MIPOL1: variants seen among roughly 807,000 people sequenced by gnomAD.
MIPOL1 encodes mirror-image polydactyly gene 1 protein.
A neutral mutation model predicts 60.9 loss-of-function variants in MIPOL1; 57 were observed. The observed-to-expected ratio is 0.94, with a 90% CI of 0.76 to 1.17. The LOEUF is 1.17. Among genes scored for constraint, MIPOL1 ranks in the 50% most tolerant of loss-of-function variants. The pLI is 0.00. For missense variants in MIPOL1, 551 were observed against 511.6 expected, an observed-to-expected ratio of 1.08 and a Z score of -0.74; for synonymous variants, 179 against 168.8, an observed-to-expected ratio of 1.06 and a Z score of -0.47.
At chr14:37,407,839 C>CTTTT (rs2093614739) in intron 10 of MIPOL1, among the ~76,000 whole-genome samples, 1 of 59,794 alleles carries the variant, frequency 1.7e-5, no homozygotes, top group Non-Finnish European at 2.9e-5. Context: ...CTTTCTTCTT[C>CTTTT]TTCTTCTTTT....
rs188446905 is a variant in MIPOL1, at chr14:37,395,663, C to G, written c.936+26039C>G. On this transcript the variant is annotated intron_variant, in intron 10 of 12. Coordinates refer to ENST00000684589, the MANE Select transcript of MIPOL1 (RefSeq NM_001388067.1). ...CAGTTCTAGGAGCTTTCTGGAGGAG[C>G]CTTTAGAGTTTTTGAGGTAAACAAT... is the stretch of plus-strand genomic sequence containing the variant. 2.2e-3 allele frequency among the ~76,000 whole-genome samples: 340 copies of G among 152,078 alleles called. 2 individuals are homozygous for G. The highest frequency in any genetic ancestry group is 3.8e-3 in the Non-Finnish European group (259 of 67,980).
At chr14:37,298,239 G>C (rs1012231348) in intron 7 of MIPOL1, among the ~76,000 whole-genome samples, 1 of 152,192 alleles carries the variant, frequency 6.6e-6, no homozygotes, top group Non-Finnish European at 1.5e-5. Context: ...GGGAAAACTG[G>C]TTAGCCATAT....
intron 10 of MIPOL1, among the ~76,000 whole-genome samples, chr14:37,409,693 G>A (rs1355415340): frequency 2.0e-5 from 3 of 152,194 alleles, no homozygotes; most frequent in Non-Finnish European, 2.9e-5. Context: ...GGCTGATGCA[G>A]GAGAATGTCT....
chr14:37,234,044 G>C (rs1971044241), intron 1 of MIPOL1, among the ~76,000 whole-genome samples: 1 of 152,162 alleles, frequency 6.6e-6, no homozygotes, highest in African/African-American at 2.4e-5. Context: ...AATGCTTCAG[G>C]ATCTTGATCC....
chr14:37,499,211 C>T (rs1259066991), intron 11 of MIPOL1, among the ~76,000 whole-genome samples: 1 of 151,954 alleles, frequency 6.6e-6, no homozygotes, highest in African/African-American at 2.4e-5. Context: ...AAGATTTGAC[C>T]TTTAGCATTT....
chr14:37,464,353 G>C (rs1023026275), intron 11 of MIPOL1, among the ~76,000 whole-genome samples: 1 of 152,052 alleles, frequency 6.6e-6, no homozygotes, highest in Non-Finnish European at 1.5e-5. Context: ...TGGATGACTG[G>C]ATAAAGAAAA....
intron 9 of MIPOL1, among the ~76,000 whole-genome samples, chr14:37,311,683 C>G (rs1005402284): frequency 6.6e-6 from 1 of 152,048 alleles, no homozygotes; most frequent in African/African-American, 2.4e-5. Flanking sequence ...AGAAAAGTTT[C>G]AAAAATAGTA....
intron 10 of MIPOL1, among the ~76,000 whole-genome samples, chr14:37,417,873 G>A (rs1050440477): frequency 1.3e-5 from 2 of 151,976 alleles, no homozygotes; most frequent in Non-Finnish European, 2.9e-5. Context: ...ATGTTTTCTG[G>A]ATACTTGTTA....
chr14:37,287,632 A>G (rs1339818484), intron 7 of MIPOL1, among the ~76,000 whole-genome samples: 1 of 152,212 alleles, frequency 6.6e-6, no homozygotes, highest in Non-Finnish European at 1.5e-5. Context: ...AGTAATAGTC[A>G]ATTGAAGTGA....
At chr14:37,505,207 A>G (rs2095264080) in intron 12 of MIPOL1, 1 of 152,248 alleles carries the variant, frequency 6.6e-6, no homozygotes. Flanking sequence ...TTCTGAAACT[A>G]TTCCAGTCAA....
intron 1 of MIPOL1, chr14:37,198,408 T>C (rs946588422): frequency 6.6e-6 from 1 of 152,034 alleles, no homozygotes; most frequent in Non-Finnish European, 1.5e-5. Context: ...TTTGTTTTTT[T>C]CCCCTTAAGT....
At chr14:37,344,935 CAA>C (rs552172996) in intron 9 of MIPOL1, among the ~76,000 whole-genome samples, 16 of 148,536 alleles carry the variant, frequency 1.1e-4, no homozygotes, top group African/African-American at 3.7e-4. Context: ...GAGGCTGAAA[CAA>C]GAGGATCGCT....
intron 11 of MIPOL1, among the ~76,000 whole-genome samples, chr14:37,477,102 G>A (rs752312731): frequency 2.2e-4 from 34 of 151,902 alleles, no homozygotes; most frequent in Non-Finnish European, 4.3e-4. Context: ...GTTTCACCAT[G>A]TTGGCCAGGC....
intron 11 of MIPOL1, among the ~76,000 whole-genome samples, chr14:37,440,453 T>A (rs1595783801): frequency 6.6e-6 from 1 of 152,242 alleles, no homozygotes; most frequent in East Asian, 1.9e-4. Context: ...CAGTCTCTAT[T>A]GTCTATCATT....
chr14:37,471,972 G>A (rs1009004386), intron 11 of MIPOL1, among the ~76,000 whole-genome samples: 1 of 152,200 alleles, frequency 6.6e-6, no homozygotes, highest in Non-Finnish European at 1.5e-5. Context: ...GGGAAGCAGG[G>A]CCTGAGGTAT....
At chr14:37,261,114 T>C (rs188526289) in intron 3 of MIPOL1, among the ~76,000 whole-genome samples, 1 of 152,170 alleles carries the variant, frequency 6.6e-6, no homozygotes, top group Admixed American at 6.6e-5. Flanking sequence ...TAAACCATTA[T>C]GTATTAATTA....
rs374158169 is a variant in MIPOL1, at chr14:37,348,432, A to G, written c.829-21085A>G. The stretch of plus-strand genomic sequence containing the variant: ...CACAGTAATCAAATGATTGTTATAC[A>G]TTAGAAAATTAAGATAATTCACCAT... On this transcript the variant is annotated intron_variant, in intron 9 of 12. Transcript: ENST00000684589. Among the ~76,000 whole-genome samples, 8 of 152,288 alleles carry G rather than the reference A, an allele frequency of 5.3e-5. No homozygotes were observed. In the East Asian group the frequency reaches 5.8e-4, roughly 11 times the overall value.
intron 7 of MIPOL1, among the ~76,000 whole-genome samples, chr14:37,287,801 T>A (rs1039597663): frequency 3.3e-5 from 5 of 152,130 alleles, no homozygotes; most frequent in African/African-American, 9.7e-5. Flanking sequence ...ATTTATTTTT[T>A]AAAATTGAAT....
intron 11 of MIPOL1, among the ~76,000 whole-genome samples, chr14:37,465,471 G>A (rs915260610): frequency 6.6e-6 from 1 of 152,114 alleles, no homozygotes; most frequent in African/African-American, 2.4e-5. Context: ...GGTCTTCCTA[G>A]TGTTGAGAAA....
Sources: gnomAD v4.1 joint callset for allele counts (sites outside exome capture counted in the v4.1 genomes callset) on GRCh38, gnomAD v4.1.1 for gene constraint, MANE v1.5 for transcripts, NCBI Gene and HGNC (gene_info 2026-07-23, HGNC 2026-07-21) for gene names.